Variants in PDSS2 observed in about 807,000 individuals in gnomAD.
PDSS2 encodes all trans-polyprenyl-diphosphate synthase PDSS2.
PDSS2 carries 31 observed loss-of-function variants against 44.5 expected under a neutral mutation model. That is an observed-to-expected ratio of 0.70 (90% CI 0.52 to 0.94). PDSS2 has a LOEUF of 0.94. Ranked by LOEUF, PDSS2 falls within the 40% of genes least tolerant of loss-of-function variation. The pLI, the probability that PDSS2 is intolerant of heterozygous loss-of-function variation, is 0.00. For synonymous variants in PDSS2, 157 were observed against 180.3 expected (o/e 0.87, Z 1.03); for missense variants, 452 against 482.2 (o/e 0.94, Z 0.59).
intron 1 of PDSS2, among the ~76,000 whole-genome samples, chr6:107,352,161 T>C (rs1376905914): frequency 6.6e-6 from 1 of 152,214 alleles, no homozygotes; most frequent in Non-Finnish European, 1.5e-5. Context: ...GTTAAGTTAG[T>C]ATTGCTATTA....
At chr6:107,210,354 G>T in intron 6 of PDSS2, 85 bp downstream of exon 6, 1 of 990,106 alleles carries the variant, frequency 1.0e-6, no homozygotes, top group Non-Finnish European at 1.6e-6. Flanking sequence ...CTCATCTATA[G>T]CCATATATCA....
intron 2 of PDSS2, among the ~76,000 whole-genome samples, chr6:107,279,760 G>A (rs939094714): frequency 1.3e-5 from 2 of 152,120 alleles, no homozygotes; most frequent in Admixed American, 6.6e-5. Context: ...ATGACTGGTC[G>A]TCTTTAAATC....
At chr6:107,365,749 CACTT>C (rs1053353782) in intron 1 of PDSS2, among the ~76,000 whole-genome samples, 2 of 152,142 alleles carry the variant, frequency 1.3e-5, no homozygotes, top group East Asian at 1.9e-4. Flanking sequence ...ACTAAATAGA[CACTT>C]AGATAAGAAA....
In PDSS2 at chr6:107,152,912, CAGAA is replaced by C. The variant is rs1770760873; in HGVS notation, c.*1703_*1706del. 6.6e-6 allele frequency: 1 copy of C among 152,194 alleles called. No homozygotes were observed. Among genetic ancestry groups the C allele is most frequent in the Non-Finnish European group, 1.5e-5 (1 of 68,044 alleles). 9.4% of individuals were successfully genotyped at this position (152,194 alleles called of 1,614,324 possible). A position where few individuals can be genotyped will look rare whatever the true frequency, so the allele number is the denominator to read the frequency against. ...TTACTAATTAAGCCAATTTCAGTGA[CAGAA>C]AGCATTTCAAACAGAACAGTGTTCT... On this transcript the variant is annotated 3_prime_UTR_variant, in exon 8 of 8. Transcript: ENST00000369037.
chr6:107,191,198 A>C (rs1332915925), intron 7 of PDSS2, among the ~76,000 whole-genome samples: 3 of 152,118 alleles, frequency 2.0e-5, no homozygotes, highest in Non-Finnish European at 4.4e-5. Flanking sequence ...GCCTAGAGCA[A>C]TGAAGGGTTT....
At chr6:107,195,198 A>G (rs1293311113) in intron 6 of PDSS2, among the ~76,000 whole-genome samples, 1 of 151,280 alleles carries the variant, frequency 6.6e-6, no homozygotes, top group Non-Finnish European at 1.5e-5. Context: ...ATTGGTCCTA[A>G]AGCTGGGCAC....
chr6:107,449,359 T>C (rs1781791515), intron 1 of PDSS2, among the ~76,000 whole-genome samples: 1 of 152,238 alleles, frequency 6.6e-6, no homozygotes, highest in Non-Finnish European at 1.5e-5. Flanking sequence ...TAGCATTAAG[T>C]GTATTCACAG....
chr6:107,395,593 A>G (rs537983492), intron 1 of PDSS2, among the ~76,000 whole-genome samples: 14 of 152,128 alleles, frequency 9.2e-5, no homozygotes, highest in Non-Finnish European at 1.9e-4. Context: ...TTTCATCTTT[A>G]TAAGTTCCAT....
intron 7 of PDSS2, among the ~76,000 whole-genome samples, chr6:107,189,820 G>A (rs1321613286): frequency 3.9e-5 from 6 of 151,950 alleles, no homozygotes; most frequent in Non-Finnish European, 7.4e-5. Context: ...TCTGTGATAA[G>A]AAACCCCAGA....
intron 7 of PDSS2, among the ~76,000 whole-genome samples, chr6:107,160,324 C>T (rs897694095): frequency 1.4e-4 from 22 of 152,114 alleles, no homozygotes; most frequent in Non-Finnish European, 3.2e-4. Context: ...AGGACTACAG[C>T]TATTGAGAGA....
At chr6:107,261,578 CTTT>C (rs36106088) in intron 3 of PDSS2, among the ~76,000 whole-genome samples, 17 of 112,838 alleles carry the variant, frequency 1.5e-4, no homozygotes, top group Admixed American at 5.0e-4. Flanking sequence ...TCTTTTCTTT[CTTT>C]TTTTTTTTTT....
rs1703148964 is a variant in PDSS2, at chr6:107,238,752, G to T, written c.702+6796C>A. Among the ~76,000 whole-genome samples the T allele has an allele frequency of 4.6e-5, 7 of 152,174 alleles. No individual in the cohort carries two copies. The South Asian group carries it at 1.5e-3, about 32-fold the overall frequency. ...TGCGAGCCATTCTTATCATTTGGAGGATGGTAGGAACACTCCTAAAATCCA... is the reference window on the plus strand; with the variant it reads ...TGCGAGCCATTCTTATCATTTGGAGTATGGTAGGAACACTCCTAAAATCCA... On this transcript the variant is annotated intron_variant, in intron 4 of 7. Transcript: ENST00000369037.
intron 1 of PDSS2, among the ~76,000 whole-genome samples, chr6:107,394,810 G>C (rs1197485056): frequency 6.6e-6 from 1 of 151,744 alleles, no homozygotes; most frequent in East Asian, 1.9e-4. Flanking sequence ...GGGTTTTTTT[G>C]TTTTAAATAG....
chr6:107,389,312 A>G (rs976104820), intron 1 of PDSS2, among the ~76,000 whole-genome samples: 1 of 152,244 alleles, frequency 6.6e-6, no homozygotes, highest in African/African-American at 2.4e-5. Flanking sequence ...AATGTATGAC[A>G]TAATATCTCT....
intron 2 of PDSS2, among the ~76,000 whole-genome samples, chr6:107,314,357 G>A (rs1347256612): frequency 1.3e-5 from 2 of 151,964 alleles, no homozygotes; most frequent in Admixed American, 1.3e-4. Flanking sequence ...CTTCTATAGA[G>A]ACATTTTATA....
chr6:107,391,654 G>T (rs146962126), intron 1 of PDSS2, among the ~76,000 whole-genome samples: 1 of 152,010 alleles, frequency 6.6e-6, no homozygotes, highest in African/African-American at 2.4e-5. Flanking sequence ...CCTTTGTGGA[G>T]GGTGGCAAAC....
chr6:107,249,251 A>C (rs1774732238), intron 3 of PDSS2, among the ~76,000 whole-genome samples: 1 of 152,210 alleles, frequency 6.6e-6, no homozygotes, highest in African/African-American at 2.4e-5. Flanking sequence ...CTGCCCTATT[A>C]CCGTGCTATA....
At chr6:107,446,518 G>A (rs1229500201) in intron 1 of PDSS2, among the ~76,000 whole-genome samples, 1 of 152,066 alleles carries the variant, frequency 6.6e-6, no homozygotes, top group African/African-American at 2.4e-5. Context: ...TTGTGTGTAG[G>A]TGTATAGAGT....
intron 4 of PDSS2, among the ~76,000 whole-genome samples, chr6:107,214,068 C>T (rs1426254680): frequency 6.6e-6 from 1 of 150,990 alleles, no homozygotes; most frequent in Non-Finnish European, 1.5e-5. Context: ...TCATTTTAAA[C>T]ATATATTGAA....
Sources: allele counts gnomAD v4.1 joint callset (sites outside exome capture counted in the v4.1 genomes callset), GRCh38; gene constraint gnomAD v4.1.1; transcripts MANE v1.5; gene names NCBI Gene and HGNC (gene_info 2026-07-23, HGNC 2026-07-21).